MLLT1: variants seen among roughly 807,000 people sequenced by gnomAD.
MLLT1 encodes protein ENL.
MLLT1 carries 11 observed loss-of-function variants against 55.1 expected under a neutral mutation model. That is an observed-to-expected ratio of 0.20 (90% CI 0.13 to 0.33). The LOEUF (loss-of-function observed/expected upper bound fraction) is 0.33, where lower values mean the gene tolerates loss of function less well. Among genes scored for constraint, MLLT1 ranks in the 10% least tolerant of loss-of-function variants. The pLI is 1.00. For missense variants in MLLT1, 536 were observed against 760.6 expected (o/e 0.70, Z 3.47); for synonymous variants, 323 against 320.1 (o/e 1.01, Z -0.10).
intron 2 of MLLT1, among the ~76,000 whole-genome samples, chr19:6,268,033 A>G (rs913888185): frequency 4.6e-5 from 7 of 152,236 alleles, no homozygotes; most frequent in Non-Finnish European, 8.8e-5. Context: ...AGGGATGGAC[A>G]AGATGAAGAA....
rs115874834 is a variant in MLLT1, at chr19:6,236,795, C to T, written c.277-6082G>A. 2.5e-3 allele frequency among the ~76,000 whole-genome samples: 383 copies of T among 152,364 alleles called. 1 individual carries two copies. The highest frequency in any genetic ancestry group is 8.8e-3 in the African/African-American group (368 of 41,592). On this transcript the variant is annotated intron_variant, in intron 3 of 11. Transcript: ENST00000252674. ...AGCAGCTCCTTCATGCCCCTGAGGC[C>T]TGGCAGCAGGCTCCGTGAGCAATGG...
At chr19:6,271,989 G>A (rs573355116) in intron 1 of MLLT1, among the ~76,000 whole-genome samples, 8 of 152,312 alleles carry the variant, frequency 5.3e-5, no homozygotes, top group African/African-American at 1.4e-4. Flanking sequence ...TGAGTGCCCC[G>A]GCGCCTGGCC....
chr19:6,276,492 AT>A (rs1231471544), intron 1 of MLLT1, among the ~76,000 whole-genome samples: 1 of 152,148 alleles, frequency 6.6e-6, no homozygotes, highest in East Asian at 1.9e-4. Context: ...GCAAGCAGCA[AT>A]TCGAGCGTGG....
chr19:6,212,253 C>T lies in MLLT1; in HGVS notation c.*789G>A, dbSNP rs893510371. The T allele has an allele frequency of 1.9e-6, 2 of 1,062,024 alleles. No individual in the cohort carries two copies. Among genetic ancestry groups the T allele is most frequent in the Non-Finnish European group, 2.3e-6 (2 of 877,324 alleles). The allele number at this position is 1,062,024 out of a possible 1,614,324, so 65.8% of individuals were successfully genotyped here. On this transcript the variant is annotated 3_prime_UTR_variant, in exon 12 of 12. Transcript: ENST00000252674. ...CGCTGCCCTTTGTAGTGTTGGCTGA[C>T]CCCCCCGGGAGCCCCGGTAGGAGGC...
chr19:6,230,831 G>T lies in MLLT1; in HGVS notation c.277-118C>A, dbSNP rs1423760651. The T allele has an allele frequency of 1.8e-5, 24 of 1,303,472 alleles. No homozygotes were observed. In the East Asian group the frequency reaches 5.4e-4, roughly 29 times the overall value. 80.7% of individuals were successfully genotyped at this position (1,303,472 alleles called of 1,614,324 possible). A position where few individuals can be genotyped will look rare whatever the true frequency, so the allele number is the denominator to read the frequency against. On this transcript the variant is annotated intron_variant, in intron 3 of 11. Coordinates refer to ENST00000252674, the MANE Select transcript of MLLT1 (RefSeq NM_005934.4). The surrounding 1 kb of genome is among the most constrained non-coding windows in gnomAD (Gnocchi z 9.0). The stretch of plus-strand genomic sequence containing the variant: ...ACTGGGCCTCTGTTCCCCTCCCTCC[G>T]ATTTGCGCCCACTTCTCTCTCAGGG...
Position 6,210,870 on chromosome 19 carries a change from G to A in MLLT1, c.*2172C>T, listed in dbSNP as rs2090760954. 1 of 230,318 alleles carries A rather than the reference G, an allele frequency of 4.3e-6. No homozygotes were observed. Among genetic ancestry groups the A allele is most frequent in the African/African-American group, 2.2e-5 (1 of 45,148 alleles). The allele number at this position is 230,318 out of a possible 1,614,324, so 14.3% of individuals were successfully genotyped here. A position where few individuals can be genotyped will look rare whatever the true frequency, so the allele number is the denominator to read the frequency against. On this transcript the variant is annotated 3_prime_UTR_variant, in exon 12 of 12. Transcript: ENST00000252674. This position sits in a 1 kb window ranked among gnomAD's most constrained non-coding sequence, Gnocchi z 4.6. ...TCAGGTGGTCACGGAGCCAGCCCTG[G>A]GCCCAGAGCAGCTCTGGAGGACAAC...
intron 3 of MLLT1, among the ~76,000 whole-genome samples, chr19:6,254,586 AC>A (rs1372886515): frequency 6.6e-6 from 1 of 152,002 alleles, no homozygotes; most frequent in Non-Finnish European, 1.5e-5. Context: ...CAACTGCAGG[AC>A]CCCCAAGTGG....
intron 3 of MLLT1, chr19:6,259,885 C>T (rs1400686316): frequency 6.7e-6 from 1 of 148,312 alleles, no homozygotes; most frequent in Non-Finnish European, 1.5e-5. Flanking sequence ...GAAAAACCTG[C>T]TACATCTAAA....
chr19:6,230,769 A>G lies in MLLT1; in HGVS notation c.277-56T>C. The G allele has an allele frequency of 6.2e-7, 1 of 1,601,296 alleles. No homozygotes were observed. The highest frequency in any genetic ancestry group is 2.2e-5 in the East Asian group (1 of 44,700). On this transcript the variant is annotated intron_variant, in intron 3 of 11. Coordinates refer to ENST00000252674, the MANE Select transcript of MLLT1 (RefSeq NM_005934.4). This position sits in a 1 kb window ranked among gnomAD's most constrained non-coding sequence, Gnocchi z 9.0. ...CAGAGGGTGGCCGTGGTGCAGGGAC[A>G]CAGCTCCCCATTGGCCCTGGTCCTC...
chr19:6,212,126 G>A lies in MLLT1; in HGVS notation c.*916C>T, dbSNP rs567740809. The A allele has an allele frequency of 7.5e-6, 8 of 1,066,484 alleles. No individual in the cohort carries two copies. The highest frequency in any genetic ancestry group is 1.1e-4 in the Admixed American group (2 of 18,778). 66.1% of individuals were successfully genotyped at this position (1,066,484 alleles called of 1,614,324 possible). A position where few individuals can be genotyped will look rare whatever the true frequency, so the allele number is the denominator to read the frequency against. ...GAAGAGGAGCCTATGGGAGGAGGCC[G>A]AGCCCCAGGGCGGCTGATGCGAGTC... is the stretch of plus-strand genomic sequence containing the variant. On this transcript the variant is annotated 3_prime_UTR_variant, in exon 12 of 12. Coordinates refer to ENST00000252674, the MANE Select transcript of MLLT1 (RefSeq NM_005934.4).
In MLLT1 at chr19:6,219,987, C is replaced by T. The variant is rs58637222; in HGVS notation, c.1111-1946G>A. Among the ~76,000 whole-genome samples, 5,512 of 152,308 alleles carry T rather than the reference C, an allele frequency of 0.036. 284 individuals are homozygous for T. Among genetic ancestry groups the T allele is most frequent in the East Asian group, 0.13 (698 of 5,190 alleles). On this transcript the variant is annotated intron_variant, in intron 6 of 11. Transcript: ENST00000252674. This position sits in a 1 kb window ranked among gnomAD's most constrained non-coding sequence, Gnocchi z 4.5. ...ATCAGAAGGGCCACCGGAGCACGCC[C>T]GGGGCTCAGAGGGAGGGCGGAGCAG...
At chr19:6,246,779 C>T (rs2144910360) in intron 3 of MLLT1, among the ~76,000 whole-genome samples, 1 of 152,258 alleles carries the variant, frequency 6.6e-6, no homozygotes, top group South Asian at 2.1e-4. Flanking sequence ...ACCGGATGGG[C>T]AGAGGGGGCA....
intron 3 of MLLT1, among the ~76,000 whole-genome samples, chr19:6,248,782 T>G (rs2091190410): frequency 6.6e-6 from 1 of 152,242 alleles, no homozygotes. Context: ...GCGATTGTAC[T>G]GATGCTACTG....
In MLLT1 at chr19:6,231,737, G is replaced by A. The variant is rs931873459; in HGVS notation, c.277-1024C>T. Reference sequence around the variant, plus strand: ...AGGATGGTCTCCATCTCCTGACCTCGTGACCCACCCGCCTCAGCCTCCCAA... The same window carrying A: ...AGGATGGTCTCCATCTCCTGACCTCATGACCCACCCGCCTCAGCCTCCCAA... On this transcript the variant is annotated intron_variant, in intron 3 of 11. Coordinates refer to ENST00000252674, the MANE Select transcript of MLLT1 (RefSeq NM_005934.4). The surrounding 1 kb of genome is among the most constrained non-coding windows in gnomAD (Gnocchi z 5.1). Among the ~76,000 whole-genome samples the A allele has an allele frequency of 6.6e-5, 10 of 151,818 alleles. No individual in the cohort carries two copies. The highest frequency in any genetic ancestry group is 1.2e-4 in the Non-Finnish European group (8 of 67,980).
In MLLT1 at chr19:6,215,544, G is replaced by A. The variant is rs77085605; in HGVS notation, c.1307+861C>T. Among the ~76,000 whole-genome samples, 901 of 152,294 alleles carry A rather than the reference G, an allele frequency of 5.9e-3. 8 individuals carry two copies. Among genetic ancestry groups the A allele is most frequent in the African/African-American group, 0.019 (778 of 41,562 alleles). On this transcript the variant is annotated intron_variant, in intron 8 of 11. Coordinates refer to ENST00000252674, the MANE Select transcript of MLLT1 (RefSeq NM_005934.4). ...CCCGCCATGTGCCTGCTGGCCTGGC[G>A]CGCTGCACACGGGGAACCAAGCAGA...
chr19:6,223,979 G>T (rs912108718), intron 5 of MLLT1, among the ~76,000 whole-genome samples: 1 of 152,194 alleles, frequency 6.6e-6, no homozygotes, highest in Non-Finnish European at 1.5e-5. Flanking sequence ...AGGCCCTGGG[G>T]AGGGGCTCCG....
At chr19:6,228,747 C>T (rs939978363) in intron 4 of MLLT1, among the ~76,000 whole-genome samples, 1 of 152,156 alleles carries the variant, frequency 6.6e-6, no homozygotes, top group East Asian at 1.9e-4. Flanking sequence ...CCGAGGCCTC[C>T]GGCTGCTCCT....
chr19:6,238,075 A>T (rs1002646090), intron 3 of MLLT1, among the ~76,000 whole-genome samples: 1 of 152,224 alleles, frequency 6.6e-6, no homozygotes, highest in African/African-American at 2.4e-5. Flanking sequence ...ACTGCATGCA[A>T]CCTAGGCAAG....
rs1024675315 is a variant in MLLT1, at chr19:6,227,349, C to T, written c.421-247G>A. Reference sequence around the variant, plus strand: ...ATGGCTGGGACCAGGTGGGGCCACGCGGCCTTCCGGGAACAGTGGACCGGA... The same window carrying T: ...ATGGCTGGGACCAGGTGGGGCCACGTGGCCTTCCGGGAACAGTGGACCGGA... On this transcript the variant is annotated intron_variant, in intron 4 of 11. Coordinates refer to ENST00000252674, the MANE Select transcript of MLLT1 (RefSeq NM_005934.4). This position sits in a 1 kb window ranked among gnomAD's most constrained non-coding sequence, Gnocchi z 5.1. 3.9e-5 allele frequency among the ~76,000 whole-genome samples: 6 copies of T among 152,186 alleles called. No homozygotes were observed. The highest frequency in any genetic ancestry group is 2.0e-4 in the Admixed American group (3 of 15,290).
Sources: gnomAD v4.1 joint callset for allele counts (sites outside exome capture counted in the v4.1 genomes callset) on GRCh38, gnomAD v4.1.1 for gene constraint, Gnocchi (gnomAD v3.1) non-coding constraint, MANE v1.5 for transcripts, NCBI Gene and HGNC (gene_info 2026-07-23, HGNC 2026-07-21) for gene names.